GAA: variants seen among roughly 807,000 people sequenced by gnomAD.
GAA encodes lysosomal alpha-glucosidase.
Under a neutral mutation model 103.9 loss-of-function variants are expected in GAA, and 88 were observed. That is an observed-to-expected ratio of 0.85 (90% CI 0.71 to 1.01). The LOEUF (loss-of-function observed/expected upper bound fraction) is 1.01. Ranked by LOEUF, GAA falls within the 50% of genes least tolerant of loss-of-function variation. GAA has a pLI of 0.00. For missense variants in GAA, 1,350 were observed against 1,305.3 expected, an observed-to-expected ratio of 1.03 and a Z score of -0.53; for synonymous variants, 572 against 563.1, an observed-to-expected ratio of 1.02 and a Z score of -0.22.
At chr17:80,109,851 TC>T in intron 8 of GAA, 93 bp from the exon 9 acceptor site, 1 of 879,394 alleles carries the variant, frequency 1.1e-6, no homozygotes, top group Non-Finnish European at 1.9e-6. Context: ...CATGATGTCA[TC>T]CCCAGCCTCA....
rs778032599 is a variant in GAA at position 80,118,809 on chromosome 17, A to G, written c.2799+4A>G. 1.6e-5 allele frequency: 25 copies of G among 1,612,804 alleles called. No homozygotes were observed. The highest frequency in any genetic ancestry group is 5.3e-5 in the African/African-American group (4 of 74,932). On this transcript the variant is annotated splice_donor_region_variant and intron_variant, in intron 19 of 19. Transcript: ENST00000302262. ...CACCTACAGCCCCGACACCAAGGCA[A>G]GAGGGCCCAGAGTGGCACAGGGATC...
rs1450999199 is a variant in GAA at position 80,107,629 on chromosome 17, G to T, written c.765G>T (p.Gln255His). ...FLQLSTSLPS[Q>H]YITGLAEHLS... ...AGCTGTCCACCTCGCTGCCCTCGCA[G>T]TATATCACAGGCCTCGCCGAGCACC... The change falls in exon 4 of 20, where the codon CAG becomes CAT. Residue 255 changes from glutamine to histidine, a missense_variant. Coordinates refer to ENST00000302262, the MANE Select transcript of GAA (RefSeq NM_000152.5). 1 of 1,613,206 alleles carries T rather than the reference G, an allele frequency of 6.2e-7. No homozygotes were observed. The highest frequency in any genetic ancestry group is 1.7e-5 in the Admixed American group (1 of 60,030).
In GAA at chr17:80,113,295, C is replaced by T. The variant is rs1479318289; in HGVS notation, c.2118C>T (p.Leu706=). Residue 706 remains leucine (L), a synonymous_variant, in exon 15 of 20, where the codon CTC becomes CTT. Coordinates refer to ENST00000302262, the MANE Select transcript of GAA (RefSeq NM_000152.5). Reference sequence around the variant, plus strand: ...CCCTCACCCTGCGCTACGCACTCCTCCCCCACCTCTACACACTGTTCCACC... The same window carrying T: ...CCCTCACCCTGCGCTACGCACTCCTTCCCCACCTCTACACACTGTTCCACC... The part of the protein sequence containing the change: ...RKALTLRYAL[L]PHLYTLFHQA... 1.9e-6 allele frequency: 3 copies of T among 1,599,162 alleles called. No homozygotes were observed. The highest frequency in any genetic ancestry group is 2.7e-5 in the African/African-American group (2 of 74,652).
At chr17:80,109,835 C>T in intron 8 of GAA, 110 bp from the exon 9 acceptor site, 1 of 772,662 alleles carries the variant, frequency 1.3e-6, no homozygotes, top group Non-Finnish European at 2.2e-6. Flanking sequence ...GCATGCTGTA[C>T]ACACGCATGA....
intron 18 of GAA, 42 bp from the exon 19 acceptor site, chr17:80,118,611 C>G (rs1385547270): frequency 6.2e-7 from 1 of 1,608,210 alleles, no homozygotes; most frequent in Non-Finnish European, 8.5e-7. Context: ...CTGCTGACAC[C>G]TCCACATTCT....
intron 8 of GAA, 71 bp downstream of exon 8, chr17:80,108,899 G>A: frequency 6.6e-7 from 1 of 1,505,716 alleles, no homozygotes; most frequent in South Asian, 1.2e-5. Flanking sequence ...TCTCTGTGCA[G>A]CGTCATCCTC....
In GAA at chr17:80,108,902, T is replaced by C. The variant is rs927269156; in HGVS notation, c.1326+74T>C. 6 of 1,495,088 alleles carry C rather than the reference T, an allele frequency of 4.0e-6. No homozygotes were observed. In the African/African-American group the frequency reaches 7.0e-5, roughly 17 times the overall value. 92.6% of individuals were successfully genotyped at this position (1,495,088 alleles called of 1,614,324 possible). ...CCAGTGGCTCCTTCTCTGTGCAGCGTCATCCTCGTGCCTGTGTGGTCGCCG... is the reference window on the plus strand; with the variant it reads ...CCAGTGGCTCCTTCTCTGTGCAGCGCCATCCTCGTGCCTGTGTGGTCGCCG... On this transcript the variant is annotated intron_variant, in intron 8 of 19. Transcript: ENST00000302262.
chr17:80,106,259 C>A (rs374083248), intron 3 of GAA, among the ~76,000 whole-genome samples: 3 of 152,170 alleles, frequency 2.0e-5, no homozygotes, highest in African/African-American at 7.2e-5. Flanking sequence ...ACTGACCCTC[C>A]GTGCCGGGTG....
intron 16 of GAA, 45 bp downstream of exon 16, chr17:80,117,154 C>T (rs1272605982): frequency 1.3e-6 from 2 of 1,597,926 alleles, no homozygotes; most frequent in East Asian, 2.2e-5. Context: ...GAGACCAGAG[C>T]AGCCCTCCCA....
Position 80,101,731 on chromosome 17 carries a change from G to C in GAA, c.-192G>C, listed in dbSNP as rs1043400726. 1 of 152,370 alleles carries C rather than the reference G, an allele frequency of 6.6e-6. No individual in the cohort carries two copies. The highest frequency in any genetic ancestry group is 1.9e-4 in the East Asian group (1 of 5,198). 9.4% of individuals were successfully genotyped at this position (152,370 alleles called of 1,614,324 possible). ...GTTGGGAAAGCTGAGGTTGTCGCCG[G>C]GGCCGCGGGTGGAGGTCGGGGATGA... On this transcript the variant is annotated 5_prime_UTR_variant, in exon 1 of 20. Transcript: ENST00000302262.
At chr17:80,112,187 A>C in intron 12 of GAA, 87 bp downstream of exon 12, 1 of 1,365,508 alleles carries the variant, frequency 7.3e-7, no homozygotes, top group Non-Finnish European at 1.0e-6. Context: ...AGGGAGGAGG[A>C]AAAGCGGAGG....
At chr17:80,117,477 C>A in intron 16 of GAA, 123 bp from the exon 17 acceptor site, 1 of 1,155,760 alleles carries the variant, frequency 8.7e-7, no homozygotes, top group Non-Finnish European at 1.3e-6. Flanking sequence ...CACAGTTCAG[C>A]CCGTCTGTGC....
In GAA at chr17:80,117,260, C is replaced by T. The variant is rs111537160; in HGVS notation, c.2331+151C>T. The T allele has an allele frequency of 0.021, 17,142 of 832,710 alleles. 208 individuals carry two copies. Among genetic ancestry groups the T allele is most frequent in the Non-Finnish European group, 0.027 (13,697 of 516,548 alleles). The allele number at this position is 832,710 out of a possible 1,614,324, so 51.6% of individuals were successfully genotyped here. On this transcript the variant is annotated intron_variant, in intron 16 of 19. Transcript: ENST00000302262. Reference sequence around the variant, plus strand: ...GTGCCAGGCCCCCACCCGGCTGCTCCGCACCCATCAGCCTCTCCGCTCCTC... The same window carrying T: ...GTGCCAGGCCCCCACCCGGCTGCTCTGCACCCATCAGCCTCTCCGCTCCTC...
At chr17:80,114,742 C>G (rs1453921460) in intron 15 of GAA, among the ~76,000 whole-genome samples, 2 of 152,134 alleles carry the variant, frequency 1.3e-5, no homozygotes, top group African/African-American at 4.8e-5. Flanking sequence ...GGTTTTATTT[C>G]TTCATGTGGC....
chr17:80,109,804 C>T, intron 8 of GAA, 141 bp from the exon 9 acceptor site: 1 of 650,258 alleles, frequency 1.5e-6, no homozygotes, highest in Non-Finnish European at 2.7e-6. Context: ...CGTGTGCAGG[C>T]ATGTGCAGGT....
chr17:80,112,383 G>A (rs1449000017), intron 12 of GAA, 195 bp from the exon 13 acceptor site: 1 of 707,718 alleles, frequency 1.4e-6, no homozygotes, highest in Non-Finnish European at 2.4e-6. Flanking sequence ...GGGGGGTCCT[G>A]GCTCACCTAC....
intron 11 of GAA, 48 bp downstream of exon 11, chr17:80,111,073 T>C (rs771587488): frequency 4.5e-6 from 7 of 1,557,578 alleles, no homozygotes; most frequent in Non-Finnish European, 6.2e-6. Flanking sequence ...AATCAGAGAC[T>C]CCCTTGTCTG....
At chr17:80,113,396 A>G (rs1458514071) in intron 15 of GAA, 30 bp downstream of exon 15, 29 of 1,519,598 alleles carry the variant, frequency 1.9e-5, no homozygotes, top group Admixed American at 4.0e-5. Context: ...GCGGTGGCCC[A>G]TGTGTGCCCT....
At chr17:80,107,165 T>C (rs1025551699) in intron 3 of GAA, among the ~76,000 whole-genome samples, 2 of 152,162 alleles carry the variant, frequency 1.3e-5, no homozygotes, top group African/African-American at 4.8e-5. Context: ...GGCTGGGATC[T>C]GGGAGGACTT....
Sources: allele counts gnomAD v4.1 joint callset (sites outside exome capture counted in the v4.1 genomes callset), GRCh38; gene constraint gnomAD v4.1.1; transcripts MANE v1.5; gene names NCBI Gene and HGNC (gene_info 2026-07-23, HGNC 2026-07-21).